COL11A1: variants seen among roughly 807,000 people sequenced by gnomAD.
COL11A1 encodes collagen type XI alpha 1 chain, also known as collagen alpha-1(XI) chain.
COL11A1 carries 74 observed loss-of-function variants against 265.2 expected under a neutral mutation model. That is an observed-to-expected ratio of 0.28 (90% CI 0.23 to 0.34). The LOEUF (loss-of-function observed/expected upper bound fraction) is 0.34. Among genes scored for constraint, COL11A1 ranks in the 10% least tolerant of loss-of-function variants. The pLI is 1.00. For missense variants in COL11A1, 2,165 were observed against 2,263.6 expected (o/e 0.96, Z 0.88); for synonymous variants, 816 against 727.6 (o/e 1.12, Z -1.96).
At chr1:102,899,206 T>C (rs1178569800) in intron 54 of COL11A1, among the ~76,000 whole-genome samples, 1 of 152,018 alleles carries the variant, frequency 6.6e-6, no homozygotes, top group South Asian at 2.1e-4. Context: ...AAATTAAGTA[T>C]ACAACAATCA....
intron 40 of COL11A1, 21 bp from the exon 41 acceptor site, chr1:102,961,940 A>G: frequency 6.2e-7 from 1 of 1,606,992 alleles, no homozygotes; most frequent in South Asian, 1.1e-5. Context: ...TGAAAAAAAT[A>G]AAGAAAATGA....
At chr1:103,005,734 A>C (rs1665535289) in intron 18 of COL11A1, 104 bp downstream of exon 18, 2 of 1,363,152 alleles carry the variant, frequency 1.5e-6, no homozygotes, top group African/African-American at 2.9e-5. Context: ...TGGATTCACA[A>C]ACGTTAAAAT....
chr1:102,918,458 G>T (rs1321158248), intron 49 of COL11A1, among the ~76,000 whole-genome samples: 3 of 151,658 alleles, frequency 2.0e-5, no homozygotes. Flanking sequence ...ATTCTTCATT[G>T]TCAGTGACTG....
chr1:103,003,197 G>A lies in COL11A1; in HGVS notation c.1998+18C>T. 1 of 1,612,926 alleles carries A rather than the reference G, an allele frequency of 6.2e-7. No individual in the cohort carries two copies. The highest frequency in any genetic ancestry group is 8.5e-7 in the Non-Finnish European group (1 of 1,179,476). ...AAGCTTTCCCTAGAAAATCTTCAAT[G>A]TTTCCAGCAATACATACAGGCTGCC... On this transcript the variant is annotated intron_variant, in intron 21 of 66. Transcript: ENST00000370096.
chr1:102,929,309 T>C (rs1426453148), intron 46 of COL11A1, among the ~76,000 whole-genome samples: 1 of 152,120 alleles, frequency 6.6e-6, no homozygotes, highest in Non-Finnish European at 1.5e-5. Flanking sequence ...TTTCTACATA[T>C]GGCTAGCCAG....
intron 43 of COL11A1, 146 bp from the exon 44 acceptor site, chr1:102,939,234 C>T: frequency 1.3e-6 from 1 of 743,744 alleles, no homozygotes; most frequent in Non-Finnish European, 2.3e-6. Context: ...CTTGGGTTCC[C>T]ACTGCTTCTA....
Position 102,886,821 on chromosome 1 carries a change from G to C in COL11A1, c.4844C>G (p.Pro1615Arg). 1.1e-5 allele frequency: 18 copies of C among 1,613,872 alleles called. No homozygotes were observed. The highest frequency in any genetic ancestry group is 1.5e-5 in the Non-Finnish European group (18 of 1,179,800). ...RTCKDLQLSHPDFPDGEYWID... is the reference protein window; with the variant it reads ...RTCKDLQLSHRDFPDGEYWID... ...TATTTACATACCATCTGGGAAGTCA[G>C]GATGGCTGAGTTGCAGGTCTTTACA... The change falls in exon 63 of 67, where the codon CCT becomes CGT. Residue 1615 changes from proline (P) to arginine (R), a missense_variant. Coordinates refer to ENST00000370096, the MANE Select transcript of COL11A1 (RefSeq NM_001854.4).
Position 102,883,192 on chromosome 1 carries a change from T to C in COL11A1, c.4971+7A>G. On this transcript the variant is annotated splice_region_variant and intron_variant, in intron 64 of 66. Coordinates refer to ENST00000370096, the MANE Select transcript of COL11A1 (RefSeq NM_001854.4). ...AACATTCACCACCAAAACAGATTGGTACTTACTCCCTCAGATTTTTTGTCT... is the reference window on the plus strand; with the variant it reads ...AACATTCACCACCAAAACAGATTGGCACTTACTCCCTCAGATTTTTTGTCT... 1.9e-6 allele frequency: 3 copies of C among 1,575,966 alleles called. No individual in the cohort carries two copies. The highest frequency in any genetic ancestry group is 2.6e-6 in the Non-Finnish European group (3 of 1,145,388).
In COL11A1 at chr1:103,006,085, C is replaced by A; in HGVS notation, c.1774G>T (p.Gly592Ter). 1 of 1,613,982 alleles carries A rather than the reference C, an allele frequency of 6.2e-7. No individual in the cohort carries two copies. Among genetic ancestry groups the A allele is most frequent in the Non-Finnish European group, 8.5e-7 (1 of 1,179,964 alleles). The part of the protein sequence containing the change: ...PGADGGRGMP[G>*]EPGAKGDRGF... ...CTCCTGACCTTTGCCCCAGGTTCTC[C>A]TGGCATTCCTCTTCCTCCATCTGCA... is the stretch of plus-strand genomic sequence containing the variant. The change falls in exon 17 of 67, where the codon GGA (glycine) becomes TGA (stop). Residue 592 changes from glycine (G) to a stop codon, truncating the protein, a stop_gained. Transcript: ENST00000370096. LOFTEE classifies it high-confidence loss of function.
chr1:102,935,576 A>G (rs559998961), intron 44 of COL11A1, among the ~76,000 whole-genome samples: 15 of 152,338 alleles, frequency 9.8e-5, no homozygotes, highest in Admixed American at 9.1e-4. Flanking sequence ...GAATTTTCAC[A>G]TATGCGTACA....
In COL11A1 at chr1:103,064,563, T is replaced by C. The variant is rs7554741; in HGVS notation, c.651+10055A>G. Among the ~76,000 whole-genome samples, 446 of 151,598 alleles carry C rather than the reference T, an allele frequency of 2.9e-3. 3 individuals are homozygous for C. The highest frequency in any genetic ancestry group is 0.01 in the African/African-American group (430 of 41,332). On this transcript the variant is annotated intron_variant, in intron 4 of 66. Transcript: ENST00000370096. ...AAAATTAGCCAGGCGTGGTGGTGGG[T>C]GCCTGTAGTCCCAGCTATTTGGGAG... is the stretch of plus-strand genomic sequence containing the variant.
At chr1:103,102,813 C>G (rs150658898) in intron 1 of COL11A1, among the ~76,000 whole-genome samples, 1 of 151,714 alleles carries the variant, frequency 6.6e-6, no homozygotes, top group South Asian at 2.1e-4. Context: ...TCTTCAGGAC[C>G]CTATGGCCAT....
At chr1:102,878,767 C>A (rs910510004) in intron 66 of COL11A1, among the ~76,000 whole-genome samples, 1 of 151,588 alleles carries the variant, frequency 6.6e-6, no homozygotes, top group East Asian at 1.9e-4. Context: ...CCATGGCTGC[C>A]CAAAGTTCTG....
intron 30 of COL11A1, among the ~76,000 whole-genome samples, chr1:102,986,193 A>C (rs2101727804): frequency 6.6e-6 from 1 of 152,204 alleles, no homozygotes; most frequent in South Asian, 2.1e-4. Context: ...GACTGGATTA[A>C]GAAAATGTGG....
At chr1:103,036,378 A>G (rs1460213818) in intron 4 of COL11A1, among the ~76,000 whole-genome samples, 1 of 147,090 alleles carries the variant, frequency 6.8e-6, no homozygotes, top group African/African-American at 2.5e-5. Context: ...AATATATATT[A>G]TATATAATAT....
intron 37 of COL11A1, among the ~76,000 whole-genome samples, chr1:102,968,284 C>T (rs1267642972): frequency 6.6e-6 from 1 of 152,198 alleles, no homozygotes; most frequent in African/African-American, 2.4e-5. Context: ...TACAATCCAA[C>T]AGAAATGTGA....
chr1:103,073,666 T>C (rs910263050), intron 4 of COL11A1, among the ~76,000 whole-genome samples: 12 of 151,912 alleles, frequency 7.9e-5, no homozygotes, highest in Admixed American at 4.6e-4. Context: ...ATGTTTATTA[T>C]AATAATAATT....
intron 63 of COL11A1, among the ~76,000 whole-genome samples, chr1:102,886,159 T>A (rs1483310035): frequency 6.6e-6 from 1 of 152,184 alleles, no homozygotes; most frequent in African/African-American, 2.4e-5. Flanking sequence ...AAGAGTTTAG[T>A]CAACTAACTT....
intron 4 of COL11A1, among the ~76,000 whole-genome samples, chr1:103,063,274 A>C (rs896362476): frequency 2.0e-5 from 3 of 152,102 alleles, no homozygotes; most frequent in Non-Finnish European, 4.4e-5. Context: ...ATTAAAGGTA[A>C]AGAACAAAGA....
Sources: allele counts gnomAD v4.1 joint callset (sites outside exome capture counted in the v4.1 genomes callset), GRCh38; gene constraint gnomAD v4.1.1; transcripts MANE v1.5; gene names NCBI Gene and HGNC (gene_info 2026-07-23, HGNC 2026-07-21).